The following UST variants were observed in gnomAD, a reference collection of about 807,000 sequenced individuals.
UST encodes the protein chondroitin sulfate 2-O-sulfotransferase.
Under a neutral mutation model 45.6 loss-of-function variants are expected in UST, and 21 were observed. The ratio of observed to expected loss-of-function variants is 0.46; its 90% CI spans 0.33 to 0.66. The LOEUF (loss-of-function observed/expected upper bound fraction) is 0.66. Ranked by LOEUF, UST falls within the 30% of genes least tolerant of loss-of-function variation. UST has a pLI of 0.02. For missense variants in UST, 463 were observed against 512.4 expected, an observed-to-expected ratio of 0.90 and a Z score of 0.93; for synonymous variants, 215 against 200.6, an observed-to-expected ratio of 1.07 and a Z score of -0.61.
chr6:148,810,731 A>C (rs924190503), intron 1 of UST, among the ~76,000 whole-genome samples: 8 of 152,050 alleles, frequency 5.3e-5, no homozygotes, highest in Non-Finnish European at 7.4e-5. Context: ...AGGAAGAGCA[A>C]TTTTTTTTAA....
In UST at chr6:149,074,182, A is replaced by G; in HGVS notation, c.*66A>G. ...GAAAGTTCTTTGTTTGGGGAAGTAA[A>G]ATCCTTAAGGGACTAAATTAATGCT... On this transcript the variant is annotated 3_prime_UTR_variant, in exon 8 of 8. Coordinates refer to ENST00000367463, the MANE Select transcript of UST (RefSeq NM_005715.3). The G allele has an allele frequency of 6.5e-7, 1 of 1,543,960 alleles. No individual in the cohort carries two copies. Among genetic ancestry groups the G allele is most frequent in the Non-Finnish European group, 8.8e-7 (1 of 1,132,494 alleles).
chr6:148,845,892 AT>A (rs1562275326), intron 1 of UST, among the ~76,000 whole-genome samples: 1 of 151,652 alleles, frequency 6.6e-6, no homozygotes, highest in East Asian at 1.9e-4. Flanking sequence ...CAAAACCACA[AT>A]GAGATACCAT....
chr6:148,827,419 A>G (rs562917194), intron 1 of UST, among the ~76,000 whole-genome samples: 1 of 152,204 alleles, frequency 6.6e-6, no homozygotes, highest in South Asian at 2.1e-4. Flanking sequence ...CAGGACTTTG[A>G]GACTAGCTGG....
intron 3 of UST, among the ~76,000 whole-genome samples, chr6:148,951,928 C>A (rs1288894882): frequency 1.3e-5 from 2 of 152,200 alleles, no homozygotes; most frequent in African/African-American, 4.8e-5. Flanking sequence ...TACTACTATT[C>A]TTCCATTAAA....
chr6:148,852,857 C>T (rs1778131689), intron 1 of UST, among the ~76,000 whole-genome samples: 1 of 152,170 alleles, frequency 6.6e-6, no homozygotes, highest in South Asian at 2.1e-4. Context: ...CTGTGAGGGT[C>T]AGAACCCCCC....
Position 148,836,523 on chromosome 6 carries a change from C to T in UST, c.248-50463C>T, listed in dbSNP as rs189720503. Among the ~76,000 whole-genome samples the T allele has an allele frequency of 5.9e-5, 9 of 152,300 alleles. No homozygotes were observed. In the East Asian group the frequency reaches 1.2e-3, roughly 20 times the overall value. On this transcript the variant is annotated intron_variant, in intron 1 of 7. Transcript: ENST00000367463. Reference sequence around the variant, plus strand: ...TCAGGCACGAACCTTTTCGCTGAGTCGCCTTGGGCCAATCACTGAACTTCT... The same window carrying T: ...TCAGGCACGAACCTTTTCGCTGAGTTGCCTTGGGCCAATCACTGAACTTCT...
At chr6:149,041,692 C>A (rs116171990) in intron 7 of UST, among the ~76,000 whole-genome samples, 1 of 152,306 alleles carries the variant, frequency 6.6e-6, no homozygotes, top group African/African-American at 2.4e-5. Flanking sequence ...ATGACCAGAA[C>A]AAAGAGAGTT....
At chr6:149,031,256 G>A (rs1191559824) in intron 7 of UST, among the ~76,000 whole-genome samples, 1 of 151,452 alleles carries the variant, frequency 6.6e-6, no homozygotes, top group Non-Finnish European at 1.5e-5. Flanking sequence ...TGGTTCAGCT[G>A]TAGCTACTGG....
At position 148,941,838 on chromosome 6, in the gene UST, G is replaced by A. The variant is rs571359833; in HGVS notation, c.447+404G>A. On this transcript the variant is annotated intron_variant, in intron 3 of 7. Transcript: ENST00000367463. ...ACCAATGTCCAGGATCTTTATGGTT[G>A]TATTGGTTGATGGGGGACATGAGCT... Among the ~76,000 whole-genome samples the A allele has an allele frequency of 3.3e-4, 50 of 152,276 alleles. No individual in the cohort carries two copies. The South Asian group carries it at 9.7e-3, about 30-fold the overall frequency.
chr6:148,838,725 G>T (rs538977127), intron 1 of UST, among the ~76,000 whole-genome samples: 2 of 152,138 alleles, frequency 1.3e-5, no homozygotes, highest in African/African-American at 4.8e-5. Context: ...TAAGATCCCT[G>T]TCACCCCTGT....
At chr6:148,786,319 G>A (rs748599716) in intron 1 of UST, among the ~76,000 whole-genome samples, 5 of 152,070 alleles carry the variant, frequency 3.3e-5, no homozygotes, top group Admixed American at 6.6e-5. Context: ...TTACTGCACA[G>A]ATCATCCCAT....
chr6:149,043,045 C>CTTTT (rs1776347808), intron 7 of UST, among the ~76,000 whole-genome samples: 2 of 131,662 alleles, frequency 1.5e-5, no homozygotes, highest in South Asian at 2.3e-4. Flanking sequence ...TTCTTTCTTT[C>CTTTT]CTTCTTTCCT....
Position 149,017,799 on chromosome 6 carries a change from TACACACACACAC to T in UST, c.682-1312_682-1301del, listed in dbSNP as rs10533222. On this transcript the variant is annotated intron_variant, in intron 5 of 7. Transcript: ENST00000367463. ...CATTGCAGCAATGAATATCCATATA[TACACACACACAC>T]ACACACACACACACACACACACACA... Among the ~76,000 whole-genome samples the T allele has an allele frequency of 5.0e-3, 739 of 148,910 alleles. 6 individuals are homozygous for T. The highest frequency in any genetic ancestry group is 0.017 in the African/African-American group (675 of 40,516).
At chr6:148,791,063 TTCTGACTCCACCAC>T (rs1389224421) in intron 1 of UST, among the ~76,000 whole-genome samples, 2 of 152,236 alleles carry the variant, frequency 1.3e-5, no homozygotes, top group African/African-American at 2.4e-5. Flanking sequence ...TTCAGTGCTT[TTCTGACTCCACCAC>T]TCTGACTCCC....
intron 1 of UST, among the ~76,000 whole-genome samples, chr6:148,886,191 C>T (rs530249950): frequency 6.6e-6 from 1 of 152,354 alleles, no homozygotes; most frequent in South Asian, 2.1e-4. Flanking sequence ...GTCTTCTCTC[C>T]TCTCTGCAGT....
chr6:148,912,329 T>A (rs763536723), intron 2 of UST, among the ~76,000 whole-genome samples: 1 of 152,280 alleles, frequency 6.6e-6, no homozygotes, highest in Non-Finnish European at 1.5e-5. Flanking sequence ...GAGTTGTTTC[T>A]TTTCATCTCA....
chr6:148,778,698 G>A (rs987742495), intron 1 of UST, among the ~76,000 whole-genome samples: 4 of 152,180 alleles, frequency 2.6e-5, no homozygotes, highest in Non-Finnish European at 4.4e-5. Flanking sequence ...CCTAAGGCTC[G>A]CAGGGTCTGT....
At chr6:149,029,447 T>TATATAATATAATATAATA (rs1776103655) in intron 7 of UST, among the ~76,000 whole-genome samples, 1 of 91,886 alleles carries the variant, frequency 1.1e-5, no homozygotes, top group Admixed American at 1.0e-4. Context: ...TTATATTATA[T>TATATAATATAATATAATA]TATATATACA....
intron 1 of UST, among the ~76,000 whole-genome samples, chr6:148,767,345 G>C (rs1414200638): frequency 6.6e-6 from 1 of 152,102 alleles, no homozygotes; most frequent in African/African-American, 2.4e-5. Flanking sequence ...GTTTAAAATG[G>C]CTGTTTTTAT....
Sources: allele counts gnomAD v4.1 joint callset (sites outside exome capture counted in the v4.1 genomes callset), GRCh38; gene constraint gnomAD v4.1.1; transcripts MANE v1.5; gene names NCBI Gene and HGNC (gene_info 2026-07-23, HGNC 2026-07-21).